SLC2A14: variants seen among roughly 807,000 people sequenced by gnomAD.
SLC2A14 encodes solute carrier family 2, facilitated glucose transporter member 14.
In SLC2A14, 13 loss-of-function variants were observed where a neutral mutation model predicts 43.0. The ratio of observed to expected loss-of-function variants is 0.30; its 90% CI spans 0.20 to 0.48. SLC2A14 has a LOEUF of 0.48. SLC2A14 is among the 20% of genes least tolerant of loss of function. The pLI is 0.99. For missense variants in SLC2A14, 428 were observed against 620.4 expected, an observed-to-expected ratio of 0.69 and a Z score of 3.29; for synonymous variants, 190 against 233.8, an observed-to-expected ratio of 0.81 and a Z score of 1.71.
chr12:7,858,369 T>C (rs1944367239), intron 2 of SLC2A14, among the ~76,000 whole-genome samples: 2 of 152,188 alleles, frequency 1.3e-5, no homozygotes, highest in Non-Finnish European at 2.9e-5. Context: ...ATTACTGAGT[T>C]GTAAAAGGAC....
chr12:7,873,469 C>T, upstream of SLC2A14: 1 of 527,862 alleles, frequency 1.9e-6, no homozygotes, highest in Non-Finnish European at 2.4e-6. Context: ...TGGCGAAACC[C>T]AGTCTTTACT....
intron 2 of SLC2A14, among the ~76,000 whole-genome samples, chr12:7,865,137 G>A (rs559284271): frequency 4.3e-4 from 65 of 152,094 alleles, no homozygotes; most frequent in Non-Finnish European, 7.8e-4. Flanking sequence ...CAAACATTTC[G>A]TTATTATTAT....
chr12:7,889,935 C>CAA (rs1565593437), intron 1 of SLC2A14, among the ~76,000 whole-genome samples: 2 of 151,862 alleles, frequency 1.3e-5, no homozygotes, highest in Non-Finnish European at 2.9e-5. Context: ...CCCAGGTTGC[C>CAA]TTGGCATTCC....
At chr12:7,838,376 G>A (rs115580444) in intron 2 of SLC2A14, among the ~76,000 whole-genome samples, 3 of 152,050 alleles carry the variant, frequency 2.0e-5, no homozygotes, top group African/African-American at 4.8e-5. Context: ...GTGAGCCAAC[G>A]TGCCCGGTCC....
At chr12:7,818,125 T>A (rs10845990) in intron 9 of SLC2A14, 91 bp from the exon 10 acceptor site, 6 of 1,150,334 alleles carry the variant, frequency 5.2e-6, no homozygotes, top group Admixed American at 2.6e-5. Flanking sequence ...AAGCTCCTCC[T>A]GTCCTGACGT....
chr12:7,829,882 C>G lies in SLC2A14; in HGVS notation c.397G>C (p.Gly133Arg). 1 of 1,614,130 alleles carries G rather than the reference C, an allele frequency of 6.2e-7. No individual in the cohort carries two copies. The highest frequency in any genetic ancestry group is 8.5e-7 in the Non-Finnish European group (1 of 1,180,030). ...LGRLVIGLFC[G>R]LCTGFVPMYI... Reference sequence around the variant, plus strand: ...ATGGGCACAAAACCTGTGCAGAGTCCGCAGAAGAGGCCAATAACCAAGCGG... The same window carrying G: ...ATGGGCACAAAACCTGTGCAGAGTCGGCAGAAGAGGCCAATAACCAAGCGG... Residue 133 changes from glycine (G) to arginine (R), a missense_variant, in exon 5 of 11, where the codon GGA becomes CGA. Gly to Arg is a moderately radical substitution (Grantham distance 125, BLOSUM62 -2). This residue lies in a region of SLC2A14 where 185 missense variants were observed against 275.4 expected (regional missense o/e 0.67). Transcript: ENST00000431042.
upstream of SLC2A14, among the ~76,000 whole-genome samples, chr12:7,874,939 T>A (rs1195683359): frequency 3.4e-5 from 1 of 29,462 alleles, no homozygotes; most frequent in African/African-American, 1.3e-4. Context: ...ATATATAATT[T>A]ATATATAAAT....
intron 2 of SLC2A14, among the ~76,000 whole-genome samples, chr12:7,865,085 T>C (rs932166968): frequency 1.8e-4 from 27 of 152,180 alleles, no homozygotes; most frequent in African/African-American, 6.3e-4. Context: ...ATGAGCTCAC[T>C]TTGAGTCTCT....
At chr12:7,888,724 G>T (rs1158682879) in intron 1 of SLC2A14, among the ~76,000 whole-genome samples, 1 of 150,484 alleles carries the variant, frequency 6.6e-6, no homozygotes, top group Non-Finnish European at 1.5e-5. Flanking sequence ...CTTGAACCTG[G>T]GAGGTAGAGG....
chr12:7,850,197 C>T (rs1440744977), intron 2 of SLC2A14, among the ~76,000 whole-genome samples: 2 of 151,982 alleles, frequency 1.3e-5, no homozygotes, highest in African/African-American at 4.8e-5. Flanking sequence ...ATGGCCTGGG[C>T]ACATGTCTGG....
chr12:7,882,324 C>G (rs1220220194), intron 1 of SLC2A14, among the ~76,000 whole-genome samples: 1 of 151,878 alleles, frequency 6.6e-6, no homozygotes, highest in East Asian at 1.9e-4. Context: ...GACCACCAAC[C>G]CACCAGAAGG....
intron 2 of SLC2A14, among the ~76,000 whole-genome samples, chr12:7,850,541 G>A (rs1468762264): frequency 6.6e-5 from 10 of 151,932 alleles, no homozygotes; most frequent in Admixed American, 3.9e-4. Context: ...GATTACAGGC[G>A]TGCACCACCA....
chr12:7,819,124 G>A (rs944793204), intron 9 of SLC2A14, among the ~76,000 whole-genome samples: 3 of 152,124 alleles, frequency 2.0e-5, no homozygotes, highest in African/African-American at 7.2e-5. Flanking sequence ...GGCTGATGCA[G>A]GAGAATCACT....
At chr12:7,882,211 G>A (rs1238776051) in intron 1 of SLC2A14, among the ~76,000 whole-genome samples, 1 of 151,910 alleles carries the variant, frequency 6.6e-6, no homozygotes. Flanking sequence ...AAGCCGGTAA[G>A]ACCAGAAGCC....
Position 7,834,531 on chromosome 12 carries a change from T to TC in SLC2A14, c.19-1718_19-1717insG, listed in dbSNP as rs1491512103. Among the ~76,000 whole-genome samples the TC allele has an allele frequency of 6.4e-3, 10 of 1,568 alleles. No individual in the cohort carries two copies. The Non-Finnish European group carries it at 0.11, about 18-fold the overall frequency. The allele number at this position is 1,568 out of a possible 152,430, so 1.0% of individuals were successfully genotyped here. A position where few individuals can be genotyped will look rare whatever the true frequency, so the allele number is the denominator to read the frequency against. Reference sequence around the variant, plus strand: ...CACAGTGAGACCCCTTCTCTCTCTCTTTTTTTTTTTTTTTTGAGACCCCTT... The same window carrying TC: ...CACAGTGAGACCCCTTCTCTCTCTCTCTTTTTTTTTTTTTTTGAGACCCCTT... On this transcript the variant is annotated intron_variant, in intron 2 of 10. Transcript: ENST00000431042.
intron 7 of SLC2A14, among the ~76,000 whole-genome samples, chr12:7,824,071 C>A (rs1452044342): frequency 6.6e-6 from 1 of 152,064 alleles, no homozygotes; most frequent in Admixed American, 6.6e-5. Context: ...GGCTGACCAA[C>A]AAGGTGAAAC....
chr12:7,821,121 A>G (rs1403905388), intron 8 of SLC2A14, 100 bp downstream of exon 8: 1 of 870,664 alleles, frequency 1.1e-6, no homozygotes, highest in Non-Finnish European at 1.8e-6. Flanking sequence ...AATAACAAAA[A>G]AGGTGTAACT....
At chr12:7,859,455 A>T (rs1427817875) in intron 2 of SLC2A14, among the ~76,000 whole-genome samples, 1 of 152,134 alleles carries the variant, frequency 6.6e-6, no homozygotes, top group African/African-American at 2.4e-5. Context: ...GTGAGGTGCA[A>T]AATATACAGG....
chr12:7,864,443 A>C (rs1337198056), intron 2 of SLC2A14, among the ~76,000 whole-genome samples: 1 of 152,070 alleles, frequency 6.6e-6, no homozygotes, highest in African/African-American at 2.4e-5. Context: ...GATTGAAGCC[A>C]TTCTCCTGCC....
Sources: gnomAD v4.1 joint callset for allele counts (sites outside exome capture counted in the v4.1 genomes callset) on GRCh38, gnomAD v4.1.1 for gene constraint, gnomAD v4.1.1 regional missense constraint, MANE v1.5 for transcripts, NCBI Gene and HGNC (gene_info 2026-07-23, HGNC 2026-07-21) for gene names.